METTL14: variants seen among roughly 807,000 people sequenced by gnomAD.
METTL14 encodes N(6)-adenosine-methyltransferase non-catalytic subunit METTL14.
METTL14 carries 32 observed loss-of-function variants against 62.4 expected under a neutral mutation model. That is an observed-to-expected ratio of 0.51 (90% CI 0.39 to 0.69). The LOEUF is 0.69. Among genes scored for constraint, METTL14 ranks in the 30% least tolerant of loss-of-function variants. The pLI is 0.00. For missense variants in METTL14, 340 were observed against 551.9 expected (o/e 0.62, Z 3.85); for synonymous variants, 150 against 180.0 (o/e 0.83, Z 1.34).
intron 7 of METTL14, among the ~76,000 whole-genome samples, chr4:118,698,657 CAGGGTTTCT>C (rs1313602538): frequency 2.6e-5 from 4 of 152,002 alleles, no homozygotes; most frequent in African/African-American, 9.7e-5. Flanking sequence ...AAGGATAACT[CAGGGTTTCT>C]ATCTTGGGAT....
rs766228420 is a variant in METTL14 at position 118,700,654 on chromosome 4, C to T, written c.738+12C>T. The T allele has an allele frequency of 6.4e-7, 1 of 1,571,102 alleles. No individual in the cohort carries two copies. The highest frequency in any genetic ancestry group is 1.8e-5 in the Admixed American group (1 of 54,952). On this transcript the variant is annotated intron_variant, in intron 8 of 10. Transcript: ENST00000388822. ...ACCTTGGAAGAGTGGTAAGATGGTG[C>T]TTTTATAAAGTGGATTTTTAAATTA... is the stretch of plus-strand genomic sequence containing the variant.
chr4:118,702,993 G>A (rs1246607777), intron 8 of METTL14, among the ~76,000 whole-genome samples: 1 of 144,456 alleles, frequency 6.9e-6, no homozygotes, highest in Non-Finnish European at 1.5e-5. Context: ...TAAGTTCTGG[G>A]ATACATGTGC....
At chr4:118,689,836 C>T (rs926264914) in intron 3 of METTL14, among the ~76,000 whole-genome samples, 2 of 151,758 alleles carry the variant, frequency 1.3e-5, no homozygotes, top group African/African-American at 4.8e-5. Context: ...GACAGGGTTT[C>T]ACCATGTTGG....
rs1298313101 is a variant in METTL14 at position 118,713,220 on chromosome 4, C to T, written c.*2918C>T. 1 of 152,166 alleles carries T rather than the reference C, an allele frequency of 6.6e-6. No individual in the cohort carries two copies. The highest frequency in any genetic ancestry group is 1.5e-5 in the Non-Finnish European group (1 of 68,044). The allele number at this position is 152,166 out of a possible 1,614,324, so 9.4% of individuals were successfully genotyped here. ...CTTTATGAGCCCTTATTTCCTATCT[C>T]CCTTATTCTGAGGCCAGGTCAGTGA... is the stretch of plus-strand genomic sequence containing the variant. On this transcript the variant is annotated 3_prime_UTR_variant, in exon 11 of 11. Coordinates refer to ENST00000388822, the MANE Select transcript of METTL14 (RefSeq NM_020961.4).
chr4:118,714,037 CTG>C lies in METTL14; in HGVS notation c.*3736_*3737del, dbSNP rs1286087365. The C allele has an allele frequency of 6.6e-6, 1 of 152,092 alleles. No homozygotes were observed. Among genetic ancestry groups the C allele is most frequent in the Non-Finnish European group, 1.5e-5 (1 of 68,014 alleles). The allele number at this position is 152,092 out of a possible 1,614,324, so 9.4% of individuals were successfully genotyped here. ...TTCTGTAACTAAAGGTGCTAATAAA[CTG>C]AAATCAGATAAGGTAGGTTTTTCCA... On this transcript the variant is annotated 3_prime_UTR_variant, in exon 11 of 11. Coordinates refer to ENST00000388822, the MANE Select transcript of METTL14 (RefSeq NM_020961.4).
At chr4:118,698,720 T>C (rs779385443) in intron 7 of METTL14, among the ~76,000 whole-genome samples, 2 of 152,072 alleles carry the variant, frequency 1.3e-5, no homozygotes, top group African/African-American at 2.4e-5. Context: ...TTTCAGAAGA[T>C]GAGCAGGATT....
intron 5 of METTL14, 139 bp downstream of exon 5, chr4:118,692,207 C>T: frequency 3.5e-6 from 2 of 564,490 alleles, no homozygotes; most frequent in South Asian, 5.0e-5. Flanking sequence ...TCTGGTATAC[C>T]TTCTTTTTCT....
chr4:118,695,926 A>G (rs1201129786), intron 6 of METTL14, among the ~76,000 whole-genome samples: 1 of 151,888 alleles, frequency 6.6e-6, no homozygotes, highest in Non-Finnish European at 1.5e-5. Context: ...CTTGGCCAAC[A>G]TGGTGAAACC....
chr4:118,713,784 T>G lies in METTL14; in HGVS notation c.*3482T>G, dbSNP rs1220201643. 1 of 152,222 alleles carries G rather than the reference T, an allele frequency of 6.6e-6. No homozygotes were observed. Among genetic ancestry groups the G allele is most frequent in the Non-Finnish European group, 1.5e-5 (1 of 68,026 alleles). 9.4% of individuals were successfully genotyped at this position (152,222 alleles called of 1,614,324 possible). A position where few individuals can be genotyped will look rare whatever the true frequency, so the allele number is the denominator to read the frequency against. ...GGACTTCTCAAAAGATTAGAACATT[T>G]ATCCAGTAAACTGACTCCATTGAAG... On this transcript the variant is annotated 3_prime_UTR_variant, in exon 11 of 11. Coordinates refer to ENST00000388822, the MANE Select transcript of METTL14 (RefSeq NM_020961.4).
At chr4:118,707,750 A>G (rs1724798101) in intron 10 of METTL14, among the ~76,000 whole-genome samples, 1 of 151,772 alleles carries the variant, frequency 6.6e-6, no homozygotes, top group African/African-American at 2.4e-5. Context: ...AAGGTATTTC[A>G]CATATACCTT....
chr4:118,711,438 T>C lies in METTL14; in HGVS notation c.*1136T>C, dbSNP rs1048080625. 1 of 152,234 alleles carries C rather than the reference T, an allele frequency of 6.6e-6. No individual in the cohort carries two copies. The highest frequency in any genetic ancestry group is 2.4e-5 in the African/African-American group (1 of 41,468). The allele number at this position is 152,234 out of a possible 1,614,324, so 9.4% of individuals were successfully genotyped here. A position where few individuals can be genotyped will look rare whatever the true frequency, so the allele number is the denominator to read the frequency against. ...TTTTATGATTTTTCTAATGAAACTTTAAACTTTTGAGATTTGAGAGTCTGT... is the reference window on the plus strand; with the variant it reads ...TTTTATGATTTTTCTAATGAAACTTCAAACTTTTGAGATTTGAGAGTCTGT... On this transcript the variant is annotated 3_prime_UTR_variant, in exon 11 of 11. Coordinates refer to ENST00000388822, the MANE Select transcript of METTL14 (RefSeq NM_020961.4).
rs1436889007 is a variant in METTL14, at chr4:118,698,544, G to A, written c.645+1221G>A. On this transcript the variant is annotated intron_variant, in intron 7 of 10. Coordinates refer to ENST00000388822, the MANE Select transcript of METTL14 (RefSeq NM_020961.4). ...TAACCTAATGCTGAGATGAAGGGAC[G>A]CTGAATTAGGGTAATAGTAGGAATG... Among the ~76,000 whole-genome samples, 24 of 151,596 alleles carry A rather than the reference G, an allele frequency of 1.6e-4. 1 individual carries two copies. The highest frequency in any genetic ancestry group is 1.3e-3 in the Admixed American group (20 of 15,200).
intron 8 of METTL14, among the ~76,000 whole-genome samples, chr4:118,703,710 A>G (rs955244923): frequency 2.0e-5 from 3 of 152,240 alleles, no homozygotes; most frequent in Non-Finnish European, 4.4e-5. Context: ...TTAACTATAT[A>G]TATGACATTG....
At chr4:118,694,164 A>G (rs942088312) in intron 5 of METTL14, among the ~76,000 whole-genome samples, 1 of 144,340 alleles carries the variant, frequency 6.9e-6, no homozygotes, top group Non-Finnish European at 1.5e-5. Flanking sequence ...ACTGGATGCT[A>G]GGGGTAATGG....
At chr4:118,688,089 A>T in intron 2 of METTL14, 78 bp downstream of exon 2, 4 of 1,199,572 alleles carry the variant, frequency 3.3e-6, no homozygotes, top group Admixed American at 4.2e-5. Flanking sequence ...AGGCTGGAGT[A>T]CAGTAGCATG....
intron 10 of METTL14, among the ~76,000 whole-genome samples, 175 bp from the exon 11 acceptor site, chr4:118,709,823 C>A (rs575064329): frequency 6.6e-6 from 1 of 151,926 alleles, no homozygotes; most frequent in Non-Finnish European, 1.5e-5. Flanking sequence ...AAGATATATA[C>A]CTGTGAAATC....
At chr4:118,701,089 A>G (rs1484209203) in intron 8 of METTL14, among the ~76,000 whole-genome samples, 2 of 152,170 alleles carry the variant, frequency 1.3e-5, no homozygotes, top group South Asian at 2.1e-4. Context: ...TGAATGAGAA[A>G]GAAGTTATAA....
At chr4:118,686,415 A>G (rs1017617228) in intron 1 of METTL14, 2 of 352,752 alleles carry the variant, frequency 5.7e-6, no homozygotes, top group Non-Finnish European at 1.1e-5. Flanking sequence ...CCATTCTACT[A>G]TTCAGATCAG....
chr4:118,703,908 T>A, intron 8 of METTL14, 27 bp from the exon 9 acceptor site: 3 of 1,288,832 alleles, frequency 2.3e-6, no homozygotes, highest in Non-Finnish European at 3.2e-6. Flanking sequence ...AGTTAAGGAT[T>A]TGTGTTTAAA....
Sources: gnomAD v4.1 joint callset for allele counts (sites outside exome capture counted in the v4.1 genomes callset) on GRCh38, gnomAD v4.1.1 for gene constraint, MANE v1.5 for transcripts, NCBI Gene and HGNC (gene_info 2026-07-23, HGNC 2026-07-21) for gene names.